The following SPMIP2 variants were observed in gnomAD, a reference collection of about 807,000 sequenced individuals.
SPMIP2 encodes the protein sperm microtubule inner protein 2.
the SPMIP2 span, chr4:158,973,416 A>T: frequency 1.5e-6 from 1 of 660,466 alleles, no homozygotes; most frequent in Non-Finnish European, 2.5e-6. Flanking sequence ...TATGGTACTT[A>T]CTACGTTCTA....
chr4:158,922,451 A>G, the SPMIP2 span, among the ~76,000 whole-genome samples: 2 of 152,230 alleles, frequency 1.3e-5, no homozygotes, highest in African/African-American at 4.8e-5. Context: ...GAAGAGGAAC[A>G]TGGTCAGATA....
chr4:158,941,166 A>G, the SPMIP2 span, among the ~76,000 whole-genome samples: 2 of 152,276 alleles, frequency 1.3e-5, no homozygotes, highest in African/African-American at 4.8e-5. Flanking sequence ...GACATATATA[A>G]TCTTCCAGTC....
At chr4:159,032,781 CT>C in the SPMIP2 span, among the ~76,000 whole-genome samples, 1,681 of 140,440 alleles carry the variant, frequency 0.012, 20 homozygotes, top group African/African-American at 0.033. Context: ...AATGACCTTT[CT>C]TTTTTTTTTT....
chr4:158,985,187 C>T, the SPMIP2 span, among the ~76,000 whole-genome samples: 83,044 of 135,922 alleles, frequency 0.61, 25,547 homozygotes, highest in Middle Eastern at 0.7. Context: ...GATTCACAGC[C>T]GAATTCTACC....
the SPMIP2 span, among the ~76,000 whole-genome samples, chr4:159,014,183 G>A: frequency 2.6e-4 from 39 of 152,106 alleles, no homozygotes; most frequent in Admixed American, 1.0e-3. Context: ...GGCCAGGTGC[G>A]GTGTCTCACG....
the SPMIP2 span, among the ~76,000 whole-genome samples, chr4:159,000,581 G>A: frequency 6.9e-6 from 1 of 145,756 alleles, no homozygotes; most frequent in East Asian, 2.0e-4. Flanking sequence ...TGCAACCTCT[G>A]CCTCCTGGAT....
At chr4:159,026,519 T>C in the SPMIP2 span, 1 of 611,642 alleles carries the variant, frequency 1.6e-6, no homozygotes. Flanking sequence ...TATAAAAAAG[T>C]AGAATAAAAA....
the SPMIP2 span, among the ~76,000 whole-genome samples, chr4:159,036,430 A>G: frequency 6.6e-6 from 1 of 152,174 alleles, no homozygotes; most frequent in African/African-American, 2.4e-5. Flanking sequence ...TATGTCAGGT[A>G]CTGAATGAGG....
chr4:158,952,275 C>A, the SPMIP2 span, among the ~76,000 whole-genome samples: 1 of 152,142 alleles, frequency 6.6e-6, no homozygotes, highest in African/African-American at 2.4e-5. Context: ...ACCCAAATCT[C>A]ATTTTGAATT....
chr4:159,032,774 G>A, the SPMIP2 span, among the ~76,000 whole-genome samples: 2 of 139,582 alleles, frequency 1.4e-5, no homozygotes, highest in Admixed American at 7.7e-5. Flanking sequence ...AAATCTAAAT[G>A]ACCTTTCTTT....
chr4:158,898,605 G>C, the SPMIP2 span, among the ~76,000 whole-genome samples: 1 of 152,174 alleles, frequency 6.6e-6, no homozygotes, highest in Non-Finnish European at 1.5e-5. Context: ...TAGCAATTGT[G>C]AATAGGAGTT....
the SPMIP2 span, among the ~76,000 whole-genome samples, chr4:159,061,814 T>TAAA: frequency 1.1e-3 from 148 of 138,998 alleles, 4 homozygotes; most frequent in African/African-American, 2.0e-3. Context: ...CAGTCTCAAT[T>TAAA]AAAAAAAAAA....
the SPMIP2 span, among the ~76,000 whole-genome samples, chr4:158,955,897 A>G: frequency 2.6e-5 from 4 of 152,240 alleles, no homozygotes; most frequent in African/African-American, 9.6e-5. Context: ...TTCTCATGTC[A>G]TAGAGTGGAC....
At chr4:159,034,934 T>C in the SPMIP2 span, 12 of 842,506 alleles carry the variant, frequency 1.4e-5, no homozygotes, top group Non-Finnish European at 2.2e-5. Flanking sequence ...AAAACATATG[T>C]GATCATTGCA....
At chr4:159,059,521 C>A in the SPMIP2 span, among the ~76,000 whole-genome samples, 12 of 152,060 alleles carry the variant, frequency 7.9e-5, no homozygotes, top group Non-Finnish European at 4.4e-5. Flanking sequence ...TACAGGTGTG[C>A]ACCACCAAAC....
At chr4:158,893,743 A>C in the SPMIP2 span, 1 of 1,515,662 alleles carries the variant, frequency 6.6e-7, no homozygotes, top group Admixed American at 1.9e-5. Context: ...TGTATATTAG[A>C]CTTCATAGTT....
chr4:158,965,250 ATTTT>A, the SPMIP2 span, among the ~76,000 whole-genome samples: 303 of 150,648 alleles, frequency 2.0e-3, no homozygotes, highest in African/African-American at 6.1e-3. Context: ...ATACACCAGG[ATTTT>A]TTTTTTTTTT....
the SPMIP2 span, among the ~76,000 whole-genome samples, chr4:159,048,836 C>T: frequency 6.7e-6 from 1 of 148,372 alleles, no homozygotes; most frequent in Non-Finnish European, 1.5e-5. Flanking sequence ...CCAGACTTAG[C>T]TGGCATTACA....
At chr4:158,944,226 A>G in the SPMIP2 span, among the ~76,000 whole-genome samples, 1 of 151,518 alleles carries the variant, frequency 6.6e-6, no homozygotes, top group Non-Finnish European at 1.5e-5. Flanking sequence ...CCTCCCATTC[A>G]TACCTCCCAC....
Sources: allele counts gnomAD v4.1 joint callset (sites outside exome capture counted in the v4.1 genomes callset), GRCh38; gene constraint gnomAD v4.1.1; transcripts MANE v1.5; gene names NCBI Gene and HGNC (gene_info 2026-07-23, HGNC 2026-07-21).